Variants in CDK4 observed in about 807,000 individuals in gnomAD.
CDK4 encodes cyclin dependent kinase 4.
In CDK4, 13 loss-of-function variants were observed where a neutral mutation model predicts 36.7. The observed-to-expected ratio is 0.35, with a 90% confidence interval of 0.23 to 0.56. The LOEUF is 0.56. Ranked by LOEUF, CDK4 falls within the 20% of genes least tolerant of loss-of-function variation. CDK4 has a pLI of 0.85. For missense variants in CDK4, 285 were observed against 387.3 expected (o/e 0.74, Z 2.22); for synonymous variants, 158 against 146.4 (o/e 1.08, Z -0.57).
rs2140387620 is a variant in CDK4, at chr12:57,751,344, T to A, written c.219-2A>T. Reference sequence around the variant, plus strand: ...GATGTGGCACAGACGTCCATCAGCCTGACCAGAGTAAATGCTCACTTTTCA... The same window carrying A: ...GATGTGGCACAGACGTCCATCAGCCAGACCAGAGTAAATGCTCACTTTTCA... On this transcript the variant is annotated splice_acceptor_variant, in intron 2 of 7. Coordinates refer to ENST00000257904, the MANE Select transcript of CDK4 (RefSeq NM_000075.4). LOFTEE classifies it high-confidence loss of function. This position sits in a 1 kb window ranked among gnomAD's most constrained non-coding sequence, Gnocchi z 4.5. The A allele has an allele frequency of 6.2e-7, 1 of 1,614,150 alleles. No individual in the cohort carries two copies. The highest frequency in any genetic ancestry group is 1.1e-5 in the South Asian group (1 of 91,086).
At position 57,751,605 on chromosome 12, in the gene CDK4, C is replaced by G. The variant is rs2140388455; in HGVS notation, c.113G>C (p.Arg38Thr). 1 of 1,614,218 alleles carries G rather than the reference C, an allele frequency of 6.2e-7. No homozygotes were observed. The highest frequency in any genetic ancestry group is 8.5e-7 in the Non-Finnish European group (1 of 1,180,038). The part of the protein sequence containing the change: ...SGHFVALKSV[R>T]VPNGGGGGGG... ...TCCACCTCCTCCTCCATTGGGGACT[C>G]TCACACTCTTGAGGGCCACAAAGTG... The change falls in exon 2 of 8, where the codon AGA becomes ACA. Residue 38 changes from arginine (R) to threonine (T), a missense_variant. Physicochemically the swap from Arg to Thr is moderately conservative, Grantham distance 71 (BLOSUM62 -1). Coordinates refer to ENST00000257904, the MANE Select transcript of CDK4 (RefSeq NM_000075.4). The surrounding 1 kb of genome is among the most constrained non-coding windows in gnomAD (Gnocchi z 4.5).
chr12:57,748,708 C>CTTTT, intron 7 of CDK4, 91 bp from the exon 8 acceptor site: 4 of 693,616 alleles, frequency 5.8e-6, no homozygotes, highest in South Asian at 1.6e-5. Flanking sequence ...CTTCTTTTTT[C>CTTTT]TTTTTTTTTT....
At chr12:57,749,831 T>C in intron 5 of CDK4, 1 of 382,860 alleles carries the variant, frequency 2.6e-6, no homozygotes, top group South Asian at 2.4e-5. Context: ...ACCCTGTCAT[T>C]ACTAAAAGTA....
At chr12:57,749,598 A>C in intron 5 of CDK4, 94 bp from the exon 6 acceptor site, 1 of 1,204,102 alleles carries the variant, frequency 8.3e-7, no homozygotes. Flanking sequence ...AAGTATAGGG[A>C]ATAAAGGCCA....
chr12:57,748,705 T>TTTA, intron 7 of CDK4, 88 bp from the exon 8 acceptor site: 1 of 911,556 alleles, frequency 1.1e-6, no homozygotes, highest in Non-Finnish European at 1.8e-6. Flanking sequence ...TTTCTTCTTT[T>TTTA]TTCTTTTTTT....
At position 57,749,089 on chromosome 12, in the gene CDK4, T is replaced by G. The variant is rs576350714; in HGVS notation, c.819+93A>C. On this transcript the variant is annotated intron_variant, in intron 7 of 7. Transcript: ENST00000257904. The stretch of plus-strand genomic sequence containing the variant: ...ACTACAGCCCATCTACCAACCAAGT[T>G]TCATTAACCACAGTGGCCAGGGCCC... The G allele has an allele frequency of 1.7e-5, 25 of 1,511,260 alleles. No individual in the cohort carries two copies. In the Admixed American group the frequency reaches 2.7e-4, roughly 16 times the overall value. The allele number at this position is 1,511,260 out of a possible 1,614,324, so 93.6% of individuals were successfully genotyped here. A position where few individuals can be genotyped will look rare whatever the true frequency, so the allele number is the denominator to read the frequency against.
chr12:57,750,873 A>T, intron 4 of CDK4, 50 bp downstream of exon 4: 1 of 1,607,768 alleles, frequency 6.2e-7, no homozygotes, highest in Non-Finnish European at 8.5e-7. Context: ...ACGGGCAATC[A>T]CTCTCCTACT....
intron 7 of CDK4, 66 bp downstream of exon 7, chr12:57,749,116 G>A (rs2140382299): frequency 6.3e-7 from 1 of 1,596,264 alleles, no homozygotes; most frequent in Non-Finnish European, 8.6e-7. Context: ...CCAGGGCCCT[G>A]CATACTGCTC....
intron 5 of CDK4, 199 bp from the exon 6 acceptor site, chr12:57,749,703 T>C (rs527728639): frequency 9.7e-6 from 6 of 621,204 alleles, no homozygotes; most frequent in South Asian, 3.8e-5. Flanking sequence ...TCTCTTTTTT[T>C]AAAAAAAAAG....
At chr12:57,749,794 C>A in intron 5 of CDK4, 1 of 469,530 alleles carries the variant, frequency 2.1e-6, no homozygotes, top group Non-Finnish European at 3.9e-6. Context: ...GTCAAGAGAT[C>A]GAGACCATCC....
At chr12:57,750,816 A>G (rs1448315583) in intron 4 of CDK4, 51 bp from the exon 5 acceptor site, 1 of 1,593,376 alleles carries the variant, frequency 6.3e-7, no homozygotes, top group Non-Finnish European at 8.6e-7. Flanking sequence ...ACCATGAAAC[A>G]CAACTTGCTT....
Position 57,751,974 on chromosome 12 carries a change from C to T in CDK4, c.-20+201G>A, listed in dbSNP as rs920515505. ...TTTTTCCTTTGGGACAATCGCGCCCCGCACAAAGATCACACATGACACATG... is the reference window on the plus strand; with the variant it reads ...TTTTTCCTTTGGGACAATCGCGCCCTGCACAAAGATCACACATGACACATG... On this transcript the variant is annotated intron_variant, in intron 1 of 7. Transcript: ENST00000257904. This position sits in a 1 kb window ranked among gnomAD's most constrained non-coding sequence, Gnocchi z 4.5. The T allele has an allele frequency of 1.5e-5, 8 of 549,380 alleles. No homozygotes were observed. The highest frequency in any genetic ancestry group is 2.6e-5 in the Non-Finnish European group (8 of 305,440). 34.0% of individuals were successfully genotyped at this position (549,380 alleles called of 1,614,324 possible).
Position 57,751,939 on chromosome 12 carries a change from T to C in CDK4, c.-19-203A>G, listed in dbSNP as rs1206656541. 2 of 592,842 alleles carry C rather than the reference T, an allele frequency of 3.4e-6. No homozygotes were observed. The highest frequency in any genetic ancestry group is 3.9e-5 in the South Asian group (2 of 50,784). 36.7% of individuals were successfully genotyped at this position (592,842 alleles called of 1,614,324 possible). ...CCTCCAGCCACGTGAGGCCCTGCAATAGAAAACGCTTTTTCCTTTGGGACA... is the reference window on the plus strand; with the variant it reads ...CCTCCAGCCACGTGAGGCCCTGCAACAGAAAACGCTTTTTCCTTTGGGACA... On this transcript the variant is annotated intron_variant, in intron 1 of 7. Transcript: ENST00000257904. The surrounding 1 kb of genome is among the most constrained non-coding windows in gnomAD (Gnocchi z 4.5).
rs2069501 is a variant in CDK4, at chr12:57,750,998, T to C, written c.447A>G (p.Thr149=). Residue 149 remains threonine (T), a synonymous_variant, in exon 4 of 8, where the codon ACA becomes ACG. Coordinates refer to ENST00000257904, the MANE Select transcript of CDK4 (RefSeq NM_000075.4). ...RDLKPENILV[T]SGGTVKLADF... Reference sequence around the variant, plus strand: ...CAGCCAGCTTGACTGTTCCACCACTTGTCACCAGAATGTTCTCTGGCTTCA... The same window carrying C: ...CAGCCAGCTTGACTGTTCCACCACTCGTCACCAGAATGTTCTCTGGCTTCA... 1.2e-3 allele frequency: 1,949 copies of C among 1,614,128 alleles called. 30 individuals carry two copies. The African/African-American group carries it at 0.022, about 19-fold the overall frequency.
In CDK4 at chr12:57,751,319, G is replaced by T. The variant is rs769378595; in HGVS notation, c.242C>A (p.Ser81Tyr). The T allele has an allele frequency of 6.2e-7, 1 of 1,614,110 alleles. No individual in the cohort carries two copies. The highest frequency in any genetic ancestry group is 1.1e-5 in the South Asian group (1 of 91,082). Residue 81 changes from serine to tyrosine, a missense_variant, in exon 3 of 8, where the codon TCC becomes TAC. Physicochemically the swap from Ser to Tyr is moderately radical, Grantham distance 144. Transcript: ENST00000257904. The surrounding 1 kb of genome is among the most constrained non-coding windows in gnomAD (Gnocchi z 4.5). ...TACCTTGATCTCCCGGTCAGTTCGG[G>T]ATGTGGCACAGACGTCCATCAGCCT... ...VVRLMDVCAT[S>Y]RTDREIKVTL...
chr12:57,750,268 AGTTAGTAG>A (rs1308442194), intron 5 of CDK4: 5 of 267,532 alleles, frequency 1.9e-5, no homozygotes, highest in Non-Finnish European at 3.0e-5. Context: ...GCTATGGGCA[AGTTAGTAG>A]TACGCAAGTA....
At chr12:57,748,750 G>A (rs1416223480) in intron 7 of CDK4, 133 bp from the exon 8 acceptor site, 4 of 674,850 alleles carry the variant, frequency 5.9e-6, no homozygotes, top group Non-Finnish European at 1.1e-5. Context: ...CTATCACCCA[G>A]GCTGGAGTGC....
In CDK4 at chr12:57,748,586, A is replaced by G. The variant is rs751365131; in HGVS notation, c.851T>C (p.Ile284Thr). The G allele has an allele frequency of 8.1e-6, 13 of 1,613,856 alleles. No homozygotes were observed. Among genetic ancestry groups the G allele is most frequent in the Non-Finnish European group, 1.0e-5 (12 of 1,179,772 alleles). The change falls in exon 8 of 8, where the codon ATC becomes ACC. Residue 284 changes from isoleucine (I) to threonine (T), a missense_variant. Coordinates refer to ENST00000257904, the MANE Select transcript of CDK4 (RefSeq NM_000075.4). ...EMLTFNPHKR[I>T]SAFRALQHSY... Reference sequence around the variant, plus strand: ...GTGCTGCAGAGCTCGAAAGGCAGAGATTCGCTTGTGTGGGTTAAAAGTCAG... The same window carrying G: ...GTGCTGCAGAGCTCGAAAGGCAGAGGTTCGCTTGTGTGGGTTAAAAGTCAG...
In CDK4 at chr12:57,751,152, A is replaced by G. The variant is rs2140386999; in HGVS notation, c.354+55T>C. On this transcript the variant is annotated intron_variant, in intron 3 of 7. Coordinates refer to ENST00000257904, the MANE Select transcript of CDK4 (RefSeq NM_000075.4). The surrounding 1 kb of genome is among the most constrained non-coding windows in gnomAD (Gnocchi z 4.5). Reference sequence around the variant, plus strand: ...TAGGCACCATACCTGAAATCCCAGAAGGTTCTACTACAAAGGTCCCAATCC... The same window carrying G: ...TAGGCACCATACCTGAAATCCCAGAGGGTTCTACTACAAAGGTCCCAATCC... The G allele has an allele frequency of 6.2e-7, 1 of 1,614,176 alleles. No homozygotes were observed. Among genetic ancestry groups the G allele is most frequent in the South Asian group, 1.1e-5 (1 of 91,082 alleles).
Sources: allele counts gnomAD v4.1 joint callset, GRCh38; gene constraint gnomAD v4.1.1; non-coding constraint Gnocchi (gnomAD v3.1); transcripts MANE v1.5; gene names NCBI Gene and HGNC (gene_info 2026-07-23, HGNC 2026-07-21).